ERICH2: variants seen among roughly 807,000 people sequenced by gnomAD.
ERICH2 encodes the protein glutamate-rich protein 2.
In ERICH2, 17 loss-of-function variants were observed where a neutral mutation model predicts 17.4. The ratio of observed to expected loss-of-function variants is 0.98; its 90% CI spans 0.67 to 1.47. The LOEUF is 1.47. Among genes scored for constraint, ERICH2 ranks in the 40% most tolerant of loss-of-function variants. ERICH2 has a pLI of 0.00. For synonymous variants in ERICH2, 51 were observed against 61.1 expected, an observed-to-expected ratio of 0.83 and a Z score of 0.77; for missense variants, 186 against 183.2, an observed-to-expected ratio of 1.01 and a Z score of -0.09.
chr2:170,782,854 G>A (rs1701062048), upstream of ERICH2, among the ~76,000 whole-genome samples: 1 of 152,206 alleles, frequency 6.6e-6, no homozygotes, highest in Non-Finnish European at 1.5e-5. Context: ...ACCAAGGCAA[G>A]AGGATCAGCC....
At chr2:170,770,851 G>A in the ERICH2 span, 1 of 7,922 alleles carries the variant, frequency 1.3e-4, no homozygotes, top group Non-Finnish European at 3.0e-4. Flanking sequence ...CCGCCCCCCC[G>A]GACCCGCCTC....
intron 3 of ERICH2, among the ~76,000 whole-genome samples, chr2:170,795,812 C>T (rs190575213): frequency 2.6e-5 from 4 of 152,304 alleles, no homozygotes; most frequent in African/African-American, 9.6e-5. Context: ...TAGGGTACCA[C>T]ACTTCTGCTC....
chr2:170,785,188 T>G (rs1200434910), intron 2 of ERICH2, among the ~76,000 whole-genome samples: 1 of 152,180 alleles, frequency 6.6e-6, no homozygotes, highest in Non-Finnish European at 1.5e-5. Flanking sequence ...TTGCCTTGAT[T>G]TGATCATTAC....
chr2:170,784,642 T>C lies in ERICH2; in HGVS notation c.29-4T>C, dbSNP rs768980212. On this transcript the variant is annotated splice_region_variant and splice_polypyrimidine_tract_variant and intron_variant, in intron 1 of 4. Coordinates refer to ENST00000409885, the Ensembl canonical transcript of ERICH2. ...TTGATTAAATTAGGTATATTCTCTTTTAGGTGAAGTGAGCAAAGATGCAGT... is the reference window on the plus strand; with the variant it reads ...TTGATTAAATTAGGTATATTCTCTTCTAGGTGAAGTGAGCAAAGATGCAGT... The C allele has an allele frequency of 1.2e-4, 171 of 1,482,764 alleles. No homozygotes were observed. The highest frequency in any genetic ancestry group is 1.5e-4 in the Non-Finnish European group (162 of 1,116,124). 91.9% of individuals were successfully genotyped at this position (1,482,764 alleles called of 1,614,324 possible).
At chr2:170,790,803 CA>C (rs57351246) in intron 2 of ERICH2, among the ~76,000 whole-genome samples, 106 of 67,874 alleles carry the variant, frequency 1.6e-3, no homozygotes, top group East Asian at 2.3e-3. Context: ...GACTCCTTCT[CA>C]AAAAAAAAAA....
At chr2:170,784,755 T>A (rs577590063) in exon 2 of ERICH2, 4 of 1,545,864 alleles carry the variant, frequency 2.6e-6, no homozygotes, top group Non-Finnish European at 3.5e-6. Flanking sequence ...ATGGTGAAGA[T>A]GATACCAATG....
chr2:170,788,082 A>C (rs1701197155), intron 2 of ERICH2, among the ~76,000 whole-genome samples: 1 of 152,242 alleles, frequency 6.6e-6, no homozygotes, highest in African/African-American at 2.4e-5. Flanking sequence ...TAATATAAAG[A>C]AATCAGTCAT....
the ERICH2 span, among the ~76,000 whole-genome samples, chr2:170,771,659 C>T: frequency 6.6e-6 from 1 of 152,226 alleles, no homozygotes; most frequent in African/African-American, 2.4e-5. This position sits in a 1 kb window ranked among gnomAD's most constrained non-coding sequence, Gnocchi z 4.8. Context: ...GACATCACTA[C>T]TAGCTAGATA....
chr2:170,778,822 A>G (rs953532374), upstream of ERICH2, among the ~76,000 whole-genome samples: 4 of 152,204 alleles, frequency 2.6e-5, no homozygotes, highest in East Asian at 5.8e-4. Context: ...TGTTGTATCA[A>G]TGAGCCCCAA....
upstream of ERICH2, among the ~76,000 whole-genome samples, chr2:170,781,464 T>A (rs1334636961): frequency 7.2e-5 from 11 of 151,888 alleles, no homozygotes; most frequent in Non-Finnish European, 1.6e-4. Flanking sequence ...TGAAACCCCG[T>A]TTCTACTAAA....
At chr2:170,772,446 G>T in the ERICH2 span, among the ~76,000 whole-genome samples, 3 of 152,306 alleles carry the variant, frequency 2.0e-5, no homozygotes, top group East Asian at 3.9e-4. Flanking sequence ...AAGGTAGGTG[G>T]TGTTTTTATC....
At chr2:170,778,421 T>C in the ERICH2 span, among the ~76,000 whole-genome samples, 6 of 152,176 alleles carry the variant, frequency 3.9e-5, no homozygotes, top group African/African-American at 7.2e-5. Context: ...TTTTGTTTAT[T>C]CTAAATATTG....
At chr2:170,782,092 CT>C (rs1271445579), upstream of ERICH2, 2 of 155,414 alleles carry the variant, frequency 1.3e-5, no homozygotes, top group Admixed American at 6.6e-5. Context: ...ATTTGTAATG[CT>C]TTTCCACAAA....
the ERICH2 span, among the ~76,000 whole-genome samples, chr2:170,776,258 A>G: frequency 6.6e-6 from 1 of 152,252 alleles, no homozygotes; most frequent in East Asian, 1.9e-4. Context: ...TTTTAGAATC[A>G]AAAGTAATTT....
upstream of ERICH2, among the ~76,000 whole-genome samples, chr2:170,783,540 C>T (rs190848480): frequency 1.6e-3 from 236 of 152,206 alleles, 3 homozygotes; most frequent in Admixed American, 3.6e-3. Context: ...CAGAGTGAGA[C>T]CCTGTCTCCA....
intron 2 of ERICH2, among the ~76,000 whole-genome samples, chr2:170,792,173 T>A (rs1009816696): frequency 1.2e-4 from 18 of 152,188 alleles, no homozygotes; most frequent in African/African-American, 4.1e-4. Flanking sequence ...CAATCCATGG[T>A]TTATTTTTTT....
chr2:170,783,107 A>T (rs1466241536), upstream of ERICH2: 9 of 150,984 alleles, frequency 6.0e-5, no homozygotes, highest in Non-Finnish European at 1.0e-4. Flanking sequence ...AAAGAAGTTT[A>T]AAAATTTTTG....
intron 2 of ERICH2, among the ~76,000 whole-genome samples, chr2:170,792,566 A>G (rs569495945): frequency 7.2e-5 from 11 of 152,330 alleles, no homozygotes; most frequent in African/African-American, 2.6e-4. Flanking sequence ...AAAGTGATTA[A>G]TGTCTTCACT....
At chr2:170,788,451 CT>C (rs1429788033) in intron 2 of ERICH2, among the ~76,000 whole-genome samples, 1 of 150,140 alleles carries the variant, frequency 6.7e-6, no homozygotes, top group African/African-American at 2.5e-5. Flanking sequence ...CAATGCGTCC[CT>C]TTTTAGTTGT....
Sources: gnomAD v4.1 joint callset for allele counts (sites outside exome capture counted in the v4.1 genomes callset) on GRCh38, gnomAD v4.1.1 for gene constraint, Gnocchi (gnomAD v3.1) non-coding constraint, MANE v1.5 for transcripts, NCBI Gene and HGNC (gene_info 2026-07-23, HGNC 2026-07-21) for gene names.